KCNQ3: variants seen among roughly 807,000 people sequenced by gnomAD.
KCNQ3 encodes potassium voltage-gated channel subfamily KQT member 3.
A neutral mutation model predicts 92.5 loss-of-function variants in KCNQ3; 30 were observed. That is an observed-to-expected ratio of 0.32 (90% confidence interval 0.24 to 0.44). The LOEUF (loss-of-function observed/expected upper bound fraction) is 0.44, where lower values mean the gene tolerates loss of function less well. Among genes scored for constraint, KCNQ3 ranks in the 20% least tolerant of loss-of-function variants. The pLI is 1.00. For synonymous variants in KCNQ3, 450 were observed against 468.8 expected (o/e 0.96, Z 0.52); for missense variants, 913 against 1,140.3 (o/e 0.80, Z 2.87).
chr8:132,427,785 G>A (rs910591407), intron 1 of KCNQ3, among the ~76,000 whole-genome samples: 1 of 152,190 alleles, frequency 6.6e-6, no homozygotes, highest in Non-Finnish European at 1.5e-5. Flanking sequence ...TCTCCAAGGA[G>A]CAACTGAAAC....
chr8:132,146,611 T>A (rs1420955345), intron 9 of KCNQ3, among the ~76,000 whole-genome samples: 4 of 151,366 alleles, frequency 2.6e-5, no homozygotes, highest in Non-Finnish European at 5.9e-5. Flanking sequence ...TTTTTTTTTT[T>A]AAACAGGGTC....
At chr8:132,224,565 G>A (rs930558702) in intron 1 of KCNQ3, among the ~76,000 whole-genome samples, 1 of 152,034 alleles carries the variant, frequency 6.6e-6, no homozygotes, top group African/African-American at 2.4e-5. Flanking sequence ...GGAACATAAT[G>A]TACTCTCAAG....
intron 1 of KCNQ3, among the ~76,000 whole-genome samples, chr8:132,475,677 G>A (rs770631021): frequency 6.6e-6 from 1 of 152,168 alleles, no homozygotes; most frequent in Non-Finnish European, 1.5e-5. Flanking sequence ...ACAAAGGGAT[G>A]GTCTGAAATT....
At chr8:132,143,390 C>A (rs1052064357) in intron 9 of KCNQ3, among the ~76,000 whole-genome samples, 15 of 152,182 alleles carry the variant, frequency 9.9e-5, no homozygotes, top group African/African-American at 3.6e-4. Flanking sequence ...ATTTCCATGC[C>A]TGCCCGCCCC....
chr8:132,260,620 A>G (rs892564837), intron 1 of KCNQ3, among the ~76,000 whole-genome samples: 2 of 152,148 alleles, frequency 1.3e-5, no homozygotes, highest in Non-Finnish European at 2.9e-5. Flanking sequence ...TAGCTGAAAA[A>G]TTGAAATTCA....
In KCNQ3 at chr8:132,283,276, G is replaced by A. The variant is rs534580103; in HGVS notation, c.387-97095C>T. ...AGAGGCAAAAAAAAAATTTATCTTT[G>A]GTTCTCCAGCATATAGTCCAGTATC... On this transcript the variant is annotated intron_variant, in intron 1 of 14. Transcript: ENST00000388996. 2.0e-5 allele frequency among the ~76,000 whole-genome samples: 3 copies of A among 152,172 alleles called. No homozygotes were observed. In the East Asian group the frequency reaches 5.8e-4, roughly 29 times the overall value.
intron 12 of KCNQ3, among the ~76,000 whole-genome samples, chr8:132,136,951 C>A (rs996701900): frequency 7.1e-4 from 3 of 4,250 alleles, no homozygotes; most frequent in South Asian, 2.8e-3. Flanking sequence ...GCAACCTCCG[C>A]CCCCCCAGGT....
chr8:132,140,487 C>T, intron 10 of KCNQ3: 1 of 370,354 alleles, frequency 2.7e-6, no homozygotes, highest in Non-Finnish European at 5.0e-6. Flanking sequence ...CAGAAGCCAG[C>T]AAAGGACACA....
intron 1 of KCNQ3, among the ~76,000 whole-genome samples, chr8:132,268,282 T>G (rs1289568403): frequency 6.6e-6 from 1 of 152,178 alleles, no homozygotes; most frequent in Non-Finnish European, 1.5e-5. Context: ...TTTGTTTGTT[T>G]GTTTGTTTGA....
At chr8:132,170,048 T>C (rs1826272693) in intron 8 of KCNQ3, among the ~76,000 whole-genome samples, 1 of 151,994 alleles carries the variant, frequency 6.6e-6, no homozygotes, top group African/African-American at 2.4e-5. Flanking sequence ...AATTTTTGCA[T>C]TTTTAGTAGG....
chr8:132,153,254 C>A (rs1402032489), intron 9 of KCNQ3, among the ~76,000 whole-genome samples: 1 of 152,184 alleles, frequency 6.6e-6, no homozygotes, highest in African/African-American at 2.4e-5. Flanking sequence ...GCCCCTAACC[C>A]AGAGGTTTCC....
chr8:132,134,504 G>A (rs1825005675), intron 12 of KCNQ3, 116 bp from the exon 13 acceptor site: 2 of 737,432 alleles, frequency 2.7e-6, no homozygotes, highest in East Asian at 2.8e-5. Context: ...TAAGAGGAGA[G>A]GAGAGGAGAG....
chr8:132,154,403 C>G (rs1016826345), intron 9 of KCNQ3, among the ~76,000 whole-genome samples: 55 of 151,964 alleles, frequency 3.6e-4, no homozygotes, highest in African/African-American at 1.3e-3. Flanking sequence ...GGGCAATGGC[C>G]CCTTCTCGTG....
rs1367036115 is a variant in KCNQ3, at chr8:132,122,858, C to T, written c.*6404G>A. On this transcript the variant is annotated 3_prime_UTR_variant, in exon 15 of 15. Coordinates refer to ENST00000388996, the MANE Select transcript of KCNQ3 (RefSeq NM_004519.4). ...GATGTTCATTTGAGCCAACAGAGGC[C>T]TGTTTACTTCCTAAAATAATCTCTT... is the stretch of plus-strand genomic sequence containing the variant. 6 of 152,180 alleles carry T rather than the reference C, an allele frequency of 3.9e-5. No individual in the cohort carries two copies. The highest frequency in any genetic ancestry group is 1.4e-4 in the African/African-American group (6 of 41,442). 9.4% of individuals were successfully genotyped at this position (152,180 alleles called of 1,614,324 possible). A position where few individuals can be genotyped will look rare whatever the true frequency, so the allele number is the denominator to read the frequency against.
intron 1 of KCNQ3, among the ~76,000 whole-genome samples, chr8:132,326,027 T>C (rs972565373): frequency 1.1e-4 from 16 of 152,214 alleles, no homozygotes; most frequent in African/African-American, 3.9e-4. Flanking sequence ...CCACCCTCAA[T>C]GGCTACTGCC....
intron 1 of KCNQ3, among the ~76,000 whole-genome samples, chr8:132,257,296 A>G (rs917504596): frequency 1.3e-5 from 2 of 152,228 alleles, no homozygotes; most frequent in African/African-American, 4.8e-5. Flanking sequence ...TAATACAAAA[A>G]TAGACAGTAA....
At chr8:132,402,896 A>G (rs1206584620) in intron 1 of KCNQ3, among the ~76,000 whole-genome samples, 2 of 151,176 alleles carry the variant, frequency 1.3e-5, no homozygotes, top group Non-Finnish European at 2.9e-5. Flanking sequence ...GCATGCCTGT[A>G]GTCCCAGCTT....
chr8:132,213,417 C>G (rs1813925716), intron 1 of KCNQ3, among the ~76,000 whole-genome samples: 1 of 152,184 alleles, frequency 6.6e-6, no homozygotes, highest in Non-Finnish European at 1.5e-5. Context: ...ACTTCCTACT[C>G]CCTCTGCCCC....
chr8:132,148,255 T>C (rs1479002523), intron 9 of KCNQ3, among the ~76,000 whole-genome samples: 23 of 152,076 alleles, frequency 1.5e-4, no homozygotes, highest in African/African-American at 5.6e-4. Flanking sequence ...AATTTCTTTT[T>C]CTTTTTTTTT....
Sources: gnomAD v4.1 joint callset for allele counts (sites outside exome capture counted in the v4.1 genomes callset) on GRCh38, gnomAD v4.1.1 for gene constraint, MANE v1.5 for transcripts, NCBI Gene and HGNC (gene_info 2026-07-23, HGNC 2026-07-21) for gene names.